Variants in LINGO2 observed in about 807,000 individuals in gnomAD.
LINGO2 encodes leucine rich repeat and Ig domain containing 2.
Under a neutral mutation model 30.6 loss-of-function variants are expected in LINGO2, and 14 were observed. That is an observed-to-expected ratio of 0.46 (90% CI 0.30 to 0.72). LINGO2 has a LOEUF of 0.72. LINGO2 is among the 30% of genes least tolerant of loss of function. The pLI is 0.07. For missense variants in LINGO2, 729 were observed against 751.7 expected (o/e 0.97, Z 0.35); for synonymous variants, 317 against 288.5 (o/e 1.10, Z -1.00).
intron 4 of LINGO2, among the ~76,000 whole-genome samples, chr9:28,136,600 G>A (rs1006105194): frequency 7.6e-4 from 115 of 152,260 alleles, no homozygotes; most frequent in African/African-American, 2.7e-3. Flanking sequence ...CCTGGCTAGG[G>A]TAAGCTTTAG....
chr9:28,436,746 C>T (rs890978252), intron 2 of LINGO2, among the ~76,000 whole-genome samples: 3 of 152,086 alleles, frequency 2.0e-5, no homozygotes, highest in East Asian at 3.9e-4. Context: ...CATAAGCCAC[C>T]GCGCCCGGCC....
intron 3 of LINGO2, among the ~76,000 whole-genome samples, chr9:28,347,582 T>G (rs1420176458): frequency 1.3e-5 from 2 of 152,192 alleles, no homozygotes; most frequent in African/African-American, 4.8e-5. Context: ...TCATTGAAGA[T>G]AAGGTCCCTT....
chr9:28,125,292 A>T (rs1479796525), intron 4 of LINGO2, among the ~76,000 whole-genome samples: 1 of 152,232 alleles, frequency 6.6e-6, no homozygotes, highest in Non-Finnish European at 1.5e-5. Flanking sequence ...AATAAAAGAC[A>T]TGTAGTTTCT....
intron 1 of LINGO2, among the ~76,000 whole-genome samples, chr9:28,514,803 T>G (rs1450955703): frequency 6.6e-6 from 1 of 152,166 alleles, no homozygotes; most frequent in Non-Finnish European, 1.5e-5. Context: ...ATTTTCAATG[T>G]AGACAAAATA....
At chr9:28,433,208 G>T (rs1823753564) in intron 2 of LINGO2, among the ~76,000 whole-genome samples, 1 of 152,134 alleles carries the variant, frequency 6.6e-6, no homozygotes, top group Admixed American at 6.5e-5. Flanking sequence ...TGTATGTTAA[G>T]ATGTGATCTT....
the LINGO2 span, among the ~76,000 whole-genome samples, chr9:28,689,770 A>C: frequency 6.6e-6 from 1 of 152,106 alleles, no homozygotes; most frequent in East Asian, 1.9e-4. Flanking sequence ...TGTTCACTAC[A>C]TACACTGCAT....
chr9:29,037,786 C>T, the LINGO2 span, among the ~76,000 whole-genome samples: 1 of 151,808 alleles, frequency 6.6e-6, no homozygotes, highest in Non-Finnish European at 1.5e-5. Flanking sequence ...CAATTTCCCA[C>T]ATGTAAAACA....
chr9:28,784,616 G>A, the LINGO2 span, among the ~76,000 whole-genome samples: 1 of 152,158 alleles, frequency 6.6e-6, no homozygotes, highest in Non-Finnish European at 1.5e-5. Context: ...TTGTTCTCAA[G>A]GAAGAATTGA....
At chr9:28,265,079 C>G (rs1348510349) in intron 4 of LINGO2, among the ~76,000 whole-genome samples, 1 of 151,872 alleles carries the variant, frequency 6.6e-6, no homozygotes, top group East Asian at 1.9e-4. Context: ...TGCCAGGCTG[C>G]CCTACAGGCT....
the LINGO2 span, among the ~76,000 whole-genome samples, chr9:28,806,455 C>T: frequency 6.6e-6 from 1 of 152,072 alleles, no homozygotes; most frequent in African/African-American, 2.4e-5. Flanking sequence ...CTCATATCAT[C>T]CCCAGCCTAC....
chr9:28,977,778 T>G, the LINGO2 span, among the ~76,000 whole-genome samples: 5 of 152,150 alleles, frequency 3.3e-5, no homozygotes, highest in Admixed American at 3.3e-4. Context: ...TCTGAGGATT[T>G]TAAATTCTAG....
At chr9:27,978,325 T>C (rs546603927) in intron 5 of LINGO2, among the ~76,000 whole-genome samples, 2 of 152,114 alleles carry the variant, frequency 1.3e-5, no homozygotes, top group Non-Finnish European at 1.5e-5. Context: ...ACTAGATTTA[T>C]GTCTAAATGG....
chr9:28,969,281 G>C, the LINGO2 span, among the ~76,000 whole-genome samples: 4 of 152,078 alleles, frequency 2.6e-5, no homozygotes, highest in African/African-American at 9.7e-5. Context: ...GGTAACACTT[G>C]AGTAAAGTCT....
the LINGO2 span, among the ~76,000 whole-genome samples, chr9:29,034,432 G>A: frequency 0.34 from 51,709 of 151,932 alleles, 9,978 homozygotes; most frequent in Non-Finnish European, 0.42. Context: ...GCGTGACCTT[G>A]GACAAGTGGC....
the LINGO2 span, chr9:27,941,727 G>C: frequency 1.3e-5 from 2 of 152,338 alleles, no homozygotes; most frequent in East Asian, 3.9e-4. Context: ...AAGGTAAAGA[G>C]AGGGCACCTT....
the LINGO2 span, among the ~76,000 whole-genome samples, chr9:29,137,776 G>C: frequency 1.3e-5 from 2 of 152,004 alleles, no homozygotes; most frequent in African/African-American, 2.4e-5. Context: ...ATTTTTAGTG[G>C]TAAGGCTCTA....
At chr9:28,350,047 G>T (rs1167093070) in intron 3 of LINGO2, among the ~76,000 whole-genome samples, 1 of 151,848 alleles carries the variant, frequency 6.6e-6, no homozygotes, top group Non-Finnish European at 1.5e-5. Context: ...GCAAAATCAT[G>T]CCAAAATGTA....
At chr9:28,777,696 G>C in the LINGO2 span, among the ~76,000 whole-genome samples, 3 of 152,170 alleles carry the variant, frequency 2.0e-5, no homozygotes, top group African/African-American at 4.8e-5. Flanking sequence ...GTCTAAGACA[G>C]AGAACAGAAT....
chr9:29,200,148 T>C, the LINGO2 span, among the ~76,000 whole-genome samples: 2 of 152,090 alleles, frequency 1.3e-5, no homozygotes, highest in East Asian at 3.9e-4. Flanking sequence ...AAGATAAAAA[T>C]GCAGTGAAAA....
Sources: gnomAD v4.1 joint callset for allele counts (sites outside exome capture counted in the v4.1 genomes callset) on GRCh38, gnomAD v4.1.1 for gene constraint, MANE v1.5 for transcripts, NCBI Gene and HGNC (gene_info 2026-07-23, HGNC 2026-07-21) for gene names.